The following GYS1 variants were observed in gnomAD, a reference collection of about 807,000 sequenced individuals.
GYS1 encodes the protein glycogen [starch] synthase, muscle.
GYS1 carries 60 observed loss-of-function variants against 89.1 expected under a neutral mutation model. The observed-to-expected ratio is 0.67, with a 90% CI of 0.55 to 0.84. GYS1 has a LOEUF of 0.84. Among genes scored for constraint, GYS1 ranks in the 40% least tolerant of loss-of-function variants. GYS1 has a pLI of 0.00. For synonymous variants in GYS1, 366 were observed against 401.7 expected, an observed-to-expected ratio of 0.91 and a Z score of 1.06; for missense variants, 888 against 1,003.1, an observed-to-expected ratio of 0.89 and a Z score of 1.55.
At position 48,970,286 on chromosome 19, in the gene GYS1, G is replaced by T; in HGVS notation, c.1809+260C>A. ...ACTACAGGCACGCACCATCACGCTC[G>T]GCTGATTTTTTTTTATTTTTAGTAA... is the stretch of plus-strand genomic sequence containing the variant. On this transcript the variant is annotated intron_variant, in intron 14 of 15. Coordinates refer to ENST00000323798, the MANE Select transcript of GYS1 (RefSeq NM_002103.5). 6 of 492,058 alleles carry T rather than the reference G, an allele frequency of 1.2e-5. 1 individual carries two copies. In the South Asian group the frequency reaches 1.3e-4, roughly 10 times the overall value. The allele number at this position is 492,058 out of a possible 1,614,324, so 30.5% of individuals were successfully genotyped here.
intron 2 of GYS1, among the ~76,000 whole-genome samples, chr19:48,987,683 C>T (rs1357611460): frequency 1.3e-5 from 2 of 152,178 alleles, no homozygotes; most frequent in African/African-American, 4.8e-5. Flanking sequence ...GTGGCCCAGG[C>T]TGGAGTGCAG....
Position 48,993,158 on chromosome 19 carries a change from C to T in GYS1, c.-46G>A. On this transcript the variant is annotated 5_prime_UTR_variant, in exon 1 of 16. Transcript: ENST00000323798. ...CTCCGGGGATCTCCAGGTAGGGACC[C>T]CGGAGGTGTCTAGGGAATGCACCAG... 1 of 1,074,646 alleles carries T rather than the reference C, an allele frequency of 9.3e-7. No homozygotes were observed. Among genetic ancestry groups the T allele is most frequent in the Non-Finnish European group, 1.5e-6 (1 of 689,056 alleles). 66.6% of individuals were successfully genotyped at this position (1,074,646 alleles called of 1,614,324 possible).
chr19:48,993,217 G>C lies in GYS1; in HGVS notation c.-105C>G, dbSNP rs758335461. The C allele has an allele frequency of 3.9e-6, 3 of 774,338 alleles. No individual in the cohort carries two copies. The highest frequency in any genetic ancestry group is 2.7e-5 in the South Asian group (2 of 73,984). The allele number at this position is 774,338 out of a possible 1,614,324, so 48.0% of individuals were successfully genotyped here. A position where few individuals can be genotyped will look rare whatever the true frequency, so the allele number is the denominator to read the frequency against. On this transcript the variant is annotated 5_prime_UTR_variant, in exon 1 of 16. Transcript: ENST00000323798. ...CGGGGCCGAGTAGCTGGTGCCCGAC[G>C]GGAAGCTTGCAAGACGCTCGGCTTC...
Position 48,985,350 on chromosome 19 carries a change from G to A in GYS1, c.823+111C>T, listed in dbSNP as rs1490644633. ...CCATGCCCAGCCGAAATACGTTTTC[G>A]GTTTATGCTATTTCAACTTACAGTG... On this transcript the variant is annotated intron_variant, in intron 5 of 15. Transcript: ENST00000323798. 2.7e-5 allele frequency: 30 copies of A among 1,117,474 alleles called. No individual in the cohort carries two copies. The East Asian group carries it at 5.2e-4, about 19-fold the overall frequency. 69.2% of individuals were successfully genotyped at this position (1,117,474 alleles called of 1,614,324 possible). A position where few individuals can be genotyped will look rare whatever the true frequency, so the allele number is the denominator to read the frequency against.
Position 48,985,480 on chromosome 19 carries a change from G to A in GYS1, c.804C>T (p.His268=), listed in dbSNP as rs761669741. The change falls in exon 5 of 16, where the codon CAC becomes CAT. Residue 268 remains histidine, a synonymous_variant. Transcript: ENST00000323798. ...VSQITAIEAQ[H]LLKRKPDIVT... ...CCCTACCTGGTTTCCTCTTGAGCAA[G>A]TGCTGTGCCTCGATGGCGGTGATCT... The A allele has an allele frequency of 1.2e-6, 2 of 1,613,830 alleles. No individual in the cohort carries two copies. The highest frequency in any genetic ancestry group is 4.5e-5 in the East Asian group (2 of 44,904).
chr19:48,979,610 T>C (rs1057335089), intron 8 of GYS1, among the ~76,000 whole-genome samples: 32 of 150,786 alleles, frequency 2.1e-4, no homozygotes, highest in African/African-American at 7.8e-4. Context: ...GTGCTGGGAT[T>C]ACAGGTGTGA....
chr19:48,969,946 A>C, intron 14 of GYS1, 91 bp from the exon 15 acceptor site: 1 of 811,294 alleles, frequency 1.2e-6, no homozygotes, highest in East Asian at 2.5e-5. Context: ...CCCTTTATGC[A>C]GATGAGCACA....
intron 8 of GYS1, among the ~76,000 whole-genome samples, chr19:48,979,331 CTTTTCTTTTTTTTTTTTTTTTT>C (rs1225140177): frequency 4.3e-5 from 2 of 46,376 alleles, no homozygotes; most frequent in East Asian, 6.3e-4. Flanking sequence ...TTTCTTTTTT[CTTTTCTTTTTTTTTTTTTTTTT>C]TTTTTTTTTT....
In GYS1 at chr19:48,974,339, C is replaced by T. The variant is rs749115282; in HGVS notation, c.1423G>A (p.Val475Met). ...GAGAGGAACTCCGGGTGGAAAATCA[C>T]CTGGTAGTGAAAAAGAAGGACTCAG... The part of the protein sequence containing the change: ...LFNSSADRVK[V>M]IFHPEFLSST... Residue 475 changes from valine to methionine, a missense_variant and splice_region_variant, in exon 12 of 16, where the codon GTG becomes ATG. Val to Met is a conservative substitution (Grantham distance 21, BLOSUM62 1). Transcript: ENST00000323798. The T allele has an allele frequency of 6.8e-6, 11 of 1,613,990 alleles. No individual in the cohort carries two copies. The highest frequency in any genetic ancestry group is 9.3e-6 in the Non-Finnish European group (11 of 1,179,976).
rs1477521930 is a variant in GYS1 at position 48,970,639 on chromosome 19, G to GT, written c.1715dup (p.Tyr572Ter). Residue 572 changes from tyrosine (Y) to a stop codon, truncating the protein, a stop_gained and frameshift_variant, in exon 14 of 16, where the codon TAC becomes TAAC. Transcript: ENST00000323798. LOFTEE classifies it high-confidence loss of function. ...GCCGCCGGCTCTGCTGACAGAAACT[G>GT]TAGAGGAAGGAGGTGAGCTGCGAGC... Reference protein sequence around the residue: ...DSCSQLTSFLYSFCQQSRRQR... With the variant: ...DSCSQLTSFL 1 of 1,613,866 alleles carries GT rather than the reference G, an allele frequency of 6.2e-7. No homozygotes were observed. Among genetic ancestry groups the GT allele is most frequent in the African/African-American group, 1.3e-5 (1 of 74,912 alleles).
intron 5 of GYS1, among the ~76,000 whole-genome samples, chr19:48,983,701 G>T (rs542960475): frequency 6.6e-6 from 1 of 152,076 alleles, no homozygotes; most frequent in Admixed American, 6.5e-5. Context: ...CACTGAGAAC[G>T]GATACTAAGG....
intron 2 of GYS1, among the ~76,000 whole-genome samples, chr19:48,989,698 T>G (rs947136149): frequency 6.6e-6 from 1 of 152,074 alleles, no homozygotes; most frequent in Admixed American, 6.6e-5. Context: ...GTGCTGGGAT[T>G]CCAGGCATGA....
rs1269492817 is a variant in GYS1 at position 48,969,446 on chromosome 19, G to A, written c.2056C>T (p.Arg686Cys). ...GGCCACTCTGGTGCACGGATGTTGC[G>A]CCGGTCCTTGGCGGCCTCCTCGTCC... The part of the protein sequence containing the change: ...DEDEEAAKDR[R>C]NIRAPEWPRR... Residue 686 changes from arginine to cysteine, a missense_variant, in exon 16 of 16, where the codon CGC (arginine) becomes TGC (cysteine). Transcript: ENST00000323798. 4 of 1,545,286 alleles carry A rather than the reference G, an allele frequency of 2.6e-6. No individual in the cohort carries two copies. Among genetic ancestry groups the A allele is most frequent in the Non-Finnish European group, 3.5e-6 (4 of 1,147,330 alleles).
rs1205603945 is a variant in GYS1 at position 48,969,303 on chromosome 19, G to A, written c.2199C>T (p.Gly733=). The A allele has an allele frequency of 1.3e-6, 2 of 1,564,554 alleles. No homozygotes were observed. The highest frequency in any genetic ancestry group is 1.2e-5 in the South Asian group (1 of 86,362). ...SEPLSPTSSL[G]EERN is the part of the protein sequence containing the mutation. ...TGGGGCGGACTTAGTTACGCTCCTC[G>A]CCCAGGGAGCTGGTGGGGCTGAGGG... is the stretch of plus-strand genomic sequence containing the variant. Residue 733 remains glycine, a synonymous_variant, in exon 16 of 16, where the codon GGC becomes GGT. Transcript: ENST00000323798.
chr19:48,991,543 G>A lies in GYS1; in HGVS notation c.119-60C>T. On this transcript the variant is annotated intron_variant, in intron 1 of 15. Coordinates refer to ENST00000323798, the MANE Select transcript of GYS1 (RefSeq NM_002103.5). This position sits in a 1 kb window ranked among gnomAD's most constrained non-coding sequence, Gnocchi z 4.7. ...CGAGGTCCATAGTTCTGGGGCCTGG[G>A]GTGGGGTGGGCCGGGGATGTAGGGG... 1 of 1,571,910 alleles carries A rather than the reference G, an allele frequency of 6.4e-7. No individual in the cohort carries two copies. The highest frequency in any genetic ancestry group is 8.7e-7 in the Non-Finnish European group (1 of 1,144,382).
intron 10 of GYS1, 52 bp from the exon 11 acceptor site, chr19:48,974,785 C>T: frequency 7.8e-7 from 1 of 1,287,264 alleles, no homozygotes; most frequent in Non-Finnish European, 1.1e-6. Flanking sequence ...AGAGAACTCC[C>T]TACTTCCTCA....
intron 8 of GYS1, among the ~76,000 whole-genome samples, chr19:48,979,331 CTTTTCTTTTTTTTTTT>C: frequency 2.2e-5 from 1 of 46,354 alleles, no homozygotes; most frequent in Non-Finnish European, 4.6e-5. Context: ...TTTCTTTTTT[CTTTTCTTTTTTTTTTT>C]TTTTTTTTTT....
chr19:48,981,603 A>T lies in GYS1; in HGVS notation c.1096T>A (p.Phe366Ile). ...NGSEQTVVAF[F>I]IMPARTNNFN... ...TTGTTGGTCCGCGCTGGCATGATGA[A>T]GAAGGCAACCACTGTCTGCTCGCTG... is the stretch of plus-strand genomic sequence containing the variant. The change falls in exon 8 of 16, where the codon TTC becomes ATC. Residue 366 changes from phenylalanine to isoleucine, a missense_variant. By Grantham distance (21) the Phe-to-Ile change is conservative. Transcript: ENST00000323798. The T allele has an allele frequency of 6.2e-7, 1 of 1,613,420 alleles. No homozygotes were observed. Among genetic ancestry groups the T allele is most frequent in the Non-Finnish European group, 8.5e-7 (1 of 1,179,374 alleles).
Position 48,974,356 on chromosome 19 carries a change from A to C in GYS1, c.1423-17T>G. The C allele has an allele frequency of 6.2e-7, 1 of 1,613,828 alleles. No homozygotes were observed. The highest frequency in any genetic ancestry group is 8.5e-7 in the Non-Finnish European group (1 of 1,179,878). On this transcript the variant is annotated splice_polypyrimidine_tract_variant and intron_variant, in intron 11 of 15. Transcript: ENST00000323798. Reference sequence around the variant, plus strand: ...GAAAATCACCTGGTAGTGAAAAAGAAGGACTCAGCCCAAGTGCCTTATTTA... The same window carrying C: ...GAAAATCACCTGGTAGTGAAAAAGACGGACTCAGCCCAAGTGCCTTATTTA...
Sources: gnomAD v4.1 joint callset for allele counts (sites outside exome capture counted in the v4.1 genomes callset) on GRCh38, gnomAD v4.1.1 for gene constraint, Gnocchi (gnomAD v3.1) non-coding constraint, MANE v1.5 for transcripts, NCBI Gene and HGNC (gene_info 2026-07-23, HGNC 2026-07-21) for gene names.